Variants in CARM1 observed in about 807,000 individuals in gnomAD.
The protein encoded by CARM1 is histone-arginine methyltransferase CARM1.
In CARM1, 14 loss-of-function variants were observed where a neutral mutation model predicts 72.7. That is an observed-to-expected ratio of 0.19 (90% CI 0.13 to 0.30). The LOEUF (loss-of-function observed/expected upper bound fraction) is 0.30, where lower values mean the gene tolerates loss of function less well. Among genes scored for constraint, CARM1 ranks in the 10% least tolerant of loss-of-function variants. The pLI is 1.00. For synonymous variants in CARM1, 333 were observed against 345.5 expected (o/e 0.96, Z 0.40); for missense variants, 432 against 833.7 (o/e 0.52, Z 5.93).
At chr19:10,908,417 G>A (rs1199458998) in intron 3 of CARM1, 2 of 411,146 alleles carry the variant, frequency 4.9e-6, no homozygotes, top group Admixed American at 7.6e-5. Context: ...GTGAATAACG[G>A]TAGAGCAGTT....
Position 10,912,085 on chromosome 19 carries a change from GAC to G in CARM1, c.559-97_559-96del, listed in dbSNP as rs1468688346. On this transcript the variant is annotated intron_variant, in intron 4 of 15. Coordinates refer to ENST00000327064, the MANE Select transcript of CARM1 (RefSeq NM_199141.2). The surrounding 1 kb of genome is among the most constrained non-coding windows in gnomAD (Gnocchi z 4.5). ...ATAAAGGGCAAACATTGAGAGTGAAGACAGACGCCTCATGATGTGCACATCCC... is the reference window on the plus strand; with the variant it reads ...ATAAAGGGCAAACATTGAGAGTGAAGAGACGCCTCATGATGTGCACATCCC... The G allele has an allele frequency of 2.3e-6, 2 of 881,366 alleles. No individual in the cohort carries two copies. The highest frequency in any genetic ancestry group is 4.8e-5 in the East Asian group (2 of 41,396). 54.6% of individuals were successfully genotyped at this position (881,366 alleles called of 1,614,324 possible).
At chr19:10,875,143 T>G (rs1411520726) in intron 1 of CARM1, among the ~76,000 whole-genome samples, 1 of 152,066 alleles carries the variant, frequency 6.6e-6, no homozygotes, top group Non-Finnish European at 1.5e-5. Flanking sequence ...CAGGAATGGA[T>G]TCTCTCTCAG....
At chr19:10,873,833 G>A (rs182908449) in intron 1 of CARM1, among the ~76,000 whole-genome samples, 4 of 151,582 alleles carry the variant, frequency 2.6e-5, no homozygotes, top group African/African-American at 9.7e-5. Context: ...TAGAGACGGG[G>A]TTTCACCATG....
At chr19:10,890,371 G>A (rs1271961315) in intron 1 of CARM1, among the ~76,000 whole-genome samples, 6 of 150,740 alleles carry the variant, frequency 4.0e-5, no homozygotes. Context: ...GGGTTCAAGT[G>A]ATTCTCCTGT....
intron 1 of CARM1, among the ~76,000 whole-genome samples, chr19:10,875,427 T>C (rs1568344281): frequency 6.6e-6 from 1 of 151,882 alleles, no homozygotes; most frequent in African/African-American, 2.4e-5. Context: ...TGTTCTTTTC[T>C]TTTCTTTTTT....
Position 10,916,313 on chromosome 19 carries a change from C to G in CARM1, c.848-94C>G, listed in dbSNP as rs1461633783. On this transcript the variant is annotated intron_variant, in intron 6 of 15. Coordinates refer to ENST00000327064, the MANE Select transcript of CARM1 (RefSeq NM_199141.2). This position sits in a 1 kb window ranked among gnomAD's most constrained non-coding sequence, Gnocchi z 4.4. ...CGAATGGATGACAGGCTGGGAGCAC[C>G]CAGGGTTGGGGGTCTTGGGGTCCTT... is the stretch of plus-strand genomic sequence containing the variant. 1.1e-5 allele frequency: 9 copies of G among 803,664 alleles called. No individual in the cohort carries two copies. Among genetic ancestry groups the G allele is most frequent in the Admixed American group, 1.9e-5 (1 of 52,798 alleles). 49.8% of individuals were successfully genotyped at this position (803,664 alleles called of 1,614,324 possible). A position where few individuals can be genotyped will look rare whatever the true frequency, so the allele number is the denominator to read the frequency against.
chr19:10,890,275 T>C (rs1459886614), intron 1 of CARM1, among the ~76,000 whole-genome samples: 1 of 149,984 alleles, frequency 6.7e-6, no homozygotes, highest in African/African-American at 2.5e-5. Context: ...GTTTGTTTTT[T>C]TTTTTTTTTG....
At chr19:10,881,723 TTTCA>T (rs1365755595) in intron 1 of CARM1, among the ~76,000 whole-genome samples, 1 of 152,042 alleles carries the variant, frequency 6.6e-6, no homozygotes, top group African/African-American at 2.4e-5. Context: ...AGACCCACTC[TTTCA>T]TTCATTCAGC....
chr19:10,890,458 G>A lies in CARM1; in HGVS notation c.221-14493G>A, dbSNP rs569661857. ...AATTTTTGTATTTTTAGTAGAGATG[G>A]GGTTTTACCATGTTGGCCAGACTGG... On this transcript the variant is annotated intron_variant, in intron 1 of 15. Coordinates refer to ENST00000327064, the MANE Select transcript of CARM1 (RefSeq NM_199141.2). Among the ~76,000 whole-genome samples the A allele has an allele frequency of 9.9e-5, 15 of 151,304 alleles. No homozygotes were observed. In the East Asian group the frequency reaches 2.9e-3, roughly 29 times the overall value.
At chr19:10,883,012 G>A (rs1229373582) in intron 1 of CARM1, among the ~76,000 whole-genome samples, 1 of 152,116 alleles carries the variant, frequency 6.6e-6, no homozygotes, top group Non-Finnish European at 1.5e-5. Context: ...GGCCTGCAGG[G>A]TGTCTGTGGT....
chr19:10,913,095 C>T (rs567293377), intron 5 of CARM1, among the ~76,000 whole-genome samples: 3 of 151,866 alleles, frequency 2.0e-5, no homozygotes, highest in African/African-American at 4.8e-5. Context: ...GAGGCAGGGC[C>T]GGGGTCACAG....
Position 10,905,027 on chromosome 19 carries a change from C to T in CARM1, c.297C>T (p.Ile99=). Residue 99 remains isoleucine (I), a synonymous_variant, in exon 2 of 16, where the codon ATC becomes ATT. Transcript: ENST00000327064. Reference sequence around the variant, plus strand: ...GCCGTGTGGGCAAGCAGTCCTTCATCATCACCCTGGGCTGCAACAGCGTCC... The same window carrying T: ...GCCGTGTGGGCAAGCAGTCCTTCATTATCACCCTGGGCTGCAACAGCGTCC... ...ECSRVGKQSF[I]ITLGCNSVLI... 1 of 1,614,192 alleles carries T rather than the reference C, an allele frequency of 6.2e-7. No homozygotes were observed. The highest frequency in any genetic ancestry group is 1.1e-5 in the South Asian group (1 of 91,078).
intron 1 of CARM1, among the ~76,000 whole-genome samples, chr19:10,884,596 C>T (rs1568346782): frequency 1.3e-5 from 2 of 151,810 alleles, no homozygotes; most frequent in African/African-American, 4.8e-5. Flanking sequence ...AAAGCAGTTA[C>T]ATGAAGGAAA....
chr19:10,904,958 T>C lies in CARM1; in HGVS notation c.228T>C (p.Asp76=). The C allele has an allele frequency of 3.7e-6, 6 of 1,614,196 alleles. No individual in the cohort carries two copies. The highest frequency in any genetic ancestry group is 1.7e-5 in the Admixed American group (1 of 60,024). Residue 76 remains aspartate, a synonymous_variant, in exon 2 of 16, where the codon GAT becomes GAC. Coordinates refer to ENST00000327064, the MANE Select transcript of CARM1 (RefSeq NM_199141.2). ...SAGIALYSHE[D]VCVFKCSVSR... ...GCCTGTCTTCTCTCGTAGATGAAGA[T>C]GTGTGTGTCTTTAAGTGCTCAGTGT...
intron 1 of CARM1, among the ~76,000 whole-genome samples, chr19:10,903,850 A>G (rs2074083861): frequency 6.6e-6 from 1 of 152,124 alleles, no homozygotes; most frequent in Non-Finnish European, 1.5e-5. Context: ...CAACAGGCGC[A>G]TGCCACCATG....
chr19:10,908,014 C>A (rs374435445), intron 2 of CARM1, 25 bp from the exon 3 acceptor site: 3 of 1,530,206 alleles, frequency 2.0e-6, no homozygotes, highest in African/African-American at 2.7e-5. Flanking sequence ...GACCGCCCCC[C>A]GGTGACTTGG....
intron 1 of CARM1, among the ~76,000 whole-genome samples, chr19:10,879,669 G>A (rs912401799): frequency 5.3e-5 from 8 of 152,276 alleles, no homozygotes; most frequent in African/African-American, 1.7e-4. Flanking sequence ...CTGGAGCACA[G>A]TGGCTCAATG....
intron 1 of CARM1, among the ~76,000 whole-genome samples, chr19:10,887,840 G>A (rs1046665384): frequency 6.6e-6 from 1 of 152,100 alleles, no homozygotes; most frequent in Admixed American, 6.5e-5. Context: ...CTCCATTGGA[G>A]GCTGCCTCCG....
In CARM1 at chr19:10,920,208, CAT is replaced by C. The variant is rs1300992240; in HGVS notation, c.1197-227_1197-226del. 6.6e-6 allele frequency among the ~76,000 whole-genome samples: 1 copy of C among 151,994 alleles called. No homozygotes were observed. Among genetic ancestry groups the C allele is most frequent in the Non-Finnish European group, 1.5e-5 (1 of 67,998 alleles). On this transcript the variant is annotated intron_variant, in intron 10 of 15. Transcript: ENST00000327064. This position sits in a 1 kb window ranked among gnomAD's most constrained non-coding sequence, Gnocchi z 5.3. ...ATGGGTCTGTGTCTGTCTCTTGGCA[CAT>C]GTCAGGGTGAGTAGGGATCTCGTGG...
Sources: allele counts gnomAD v4.1 joint callset (sites outside exome capture counted in the v4.1 genomes callset), GRCh38; gene constraint gnomAD v4.1.1; non-coding constraint Gnocchi (gnomAD v3.1); transcripts MANE v1.5; gene names NCBI Gene and HGNC (gene_info 2026-07-23, HGNC 2026-07-21).